The following PAK3 variants were observed in gnomAD, a reference collection of about 807,000 sequenced individuals.
The protein encoded by PAK3 is p21 (RAC1) activated kinase 3, also known as serine/threonine-protein kinase PAK 3.
Under a neutral mutation model 41.0 loss-of-function variants are expected in PAK3, and 4 were observed. The ratio of observed to expected loss-of-function variants is 0.10; its 90% CI spans 0.05 to 0.22. PAK3 has a LOEUF of 0.22. PAK3 is among the 10% of genes least tolerant of loss of function. The probability of loss-of-function intolerance (pLI) is 1.00; values close to 1 mark genes in which losing one functional copy is unlikely to be tolerated. For synonymous variants in PAK3, 146 were observed against 139.6 expected (o/e 1.05, Z -0.32); for missense variants, 205 against 409.9 (o/e 0.50, Z 4.32).
At chrX:111,101,856 C>A (rs2093148149) in intron 3 of PAK3, among the ~76,000 whole-genome samples, 1 of 112,203 alleles carries the variant, frequency 8.9e-6, no homozygotes, top group Non-Finnish European at 1.9e-5. Flanking sequence ...CAGACATGCT[C>A]TGGAGTCTTG....
chrX:110,985,858 C>A (rs1340378074), intron 1 of PAK3, among the ~76,000 whole-genome samples: 1 of 111,777 alleles, frequency 8.9e-6, no homozygotes. Flanking sequence ...CGATTCAAAG[C>A]TTTCTTTTGT....
chrX:111,005,131 A>G (rs2091902902), intron 1 of PAK3, among the ~76,000 whole-genome samples: 1 of 112,037 alleles, frequency 8.9e-6, no homozygotes, highest in Non-Finnish European at 1.9e-5. Flanking sequence ...CTCTTCTAGA[A>G]GATACTCACA....
At chrX:111,181,742 T>C (rs1180946293) in intron 11 of PAK3, among the ~76,000 whole-genome samples, 1 of 109,857 alleles carries the variant, frequency 9.1e-6, no homozygotes, top group Admixed American at 9.8e-5. Context: ...TGATTTTTTT[T>C]TTTTTTTTGG....
intron 1 of PAK3, among the ~76,000 whole-genome samples, chrX:110,970,923 A>G (rs2091194619): frequency 9.0e-6 from 1 of 111,678 alleles, no homozygotes; most frequent in African/African-American, 3.3e-5. Context: ...TTCCTTTTGG[A>G]TGTATAAGAC....
intron 1 of PAK3, among the ~76,000 whole-genome samples, chrX:110,948,858 C>T (rs1419589445): frequency 2.7e-5 from 3 of 112,370 alleles, no homozygotes; most frequent in Admixed American, 9.4e-5. Context: ...CTGTGTGATG[C>T]TGTAAAGCCA....
At chrX:110,946,569 T>C (rs2090625010) in intron 1 of PAK3, among the ~76,000 whole-genome samples, 1 of 112,465 alleles carries the variant, frequency 8.9e-6, no homozygotes, top group African/African-American at 3.2e-5. Flanking sequence ...ATTATGTTAA[T>C]TAACACTGCC....
intron 14 of PAK3, among the ~76,000 whole-genome samples, chrX:111,195,283 A>G (rs748695791): frequency 8.9e-6 from 1 of 111,774 alleles, no homozygotes; most frequent in South Asian, 3.8e-4. Context: ...CTATTCATTC[A>G]ATACATTAAA....
chrX:111,002,283 G>T (rs907681830), intron 1 of PAK3, among the ~76,000 whole-genome samples: 1 of 112,072 alleles, frequency 8.9e-6, no homozygotes, highest in African/African-American at 3.2e-5. Context: ...GAGGCTAAGA[G>T]ATGTTAAATA....
At chrX:111,027,924 C>T (rs1407277310) in intron 1 of PAK3, among the ~76,000 whole-genome samples, 2 of 106,833 alleles carry the variant, frequency 1.9e-5, no homozygotes, top group African/African-American at 6.8e-5. Context: ...GCCGAAATGC[C>T]CATCAATCAA....
upstream of PAK3, among the ~76,000 whole-genome samples, chrX:111,093,310 G>A (rs994401579): frequency 8.9e-6 from 1 of 111,803 alleles, no homozygotes; most frequent in Non-Finnish European, 1.9e-5. Flanking sequence ...AAACTGTTGT[G>A]GTTGTTGTGA....
At chrX:111,026,921 A>G (rs1474616820) in intron 1 of PAK3, among the ~76,000 whole-genome samples, 1 of 112,358 alleles carries the variant, frequency 8.9e-6, no homozygotes, top group African/African-American at 3.2e-5. Flanking sequence ...CTACACAGCC[A>G]TAGTCATCAA....
intron 11 of PAK3, among the ~76,000 whole-genome samples, chrX:111,183,542 C>T (rs1266863157): frequency 9.0e-6 from 1 of 111,338 alleles, no homozygotes. Flanking sequence ...AGTATATGAG[C>T]TTCTTCCTAG....
intron 3 of PAK3, among the ~76,000 whole-genome samples, chrX:111,099,427 A>G (rs2093080258): frequency 9.0e-6 from 1 of 111,050 alleles, no homozygotes; most frequent in South Asian, 3.9e-4. Context: ...AAGTCTGGGA[A>G]ACATAATGGG....
At position 111,219,235 on chromosome X, in the gene PAK3, T is replaced by TAATAAG. The variant is rs1380610093; in HGVS notation, c.1546-1121_1546-1120insTAAGAA. On this transcript the variant is annotated intron_variant, in intron 17 of 17. Transcript: ENST00000372007. ...ATAATAATAATAATAATAATAATAATAAGCAAGAGATAAATGTAAGAGACG... is the reference window on the plus strand; with the variant it reads ...ATAATAATAATAATAATAATAATAATAATAAGAAGCAAGAGATAAATGTAAGAGACG... 2.9e-3 allele frequency among the ~76,000 whole-genome samples: 297 copies of TAATAAG among 102,399 alleles called. 1 individual carries two copies. Among genetic ancestry groups the TAATAAG allele is most frequent in the African/African-American group, 5.6e-3 (153 of 27,199 alleles). The allele number at this position is 102,399 out of a possible 115,157, so 88.9% of individuals were successfully genotyped here.
chrX:111,102,129 G>T (rs913691779), intron 3 of PAK3, among the ~76,000 whole-genome samples: 1 of 111,336 alleles, frequency 9.0e-6, no homozygotes, highest in African/African-American at 3.3e-5. Flanking sequence ...TGTGGGAAGG[G>T]GAAAGGAAAG....
chrX:111,192,873 A>G (rs1362954885), intron 13 of PAK3, among the ~76,000 whole-genome samples: 1 of 111,899 alleles, frequency 8.9e-6, no homozygotes, highest in African/African-American at 3.3e-5. Flanking sequence ...TTGGCAGAAA[A>G]TAGACCATTG....
Position 111,222,471 on chromosome X carries a change from G to A in PAK3, c.*2024G>A, listed in dbSNP as rs1056160838. The A allele has an allele frequency of 8.9e-6, 1 of 112,200 alleles. No individual in the cohort carries two copies. The highest frequency in any genetic ancestry group is 1.9e-5 in the Non-Finnish European group (1 of 53,226). 9.2% of individuals were successfully genotyped at this position (112,200 alleles called of 1,213,427 possible). A position where few individuals can be genotyped will look rare whatever the true frequency, so the allele number is the denominator to read the frequency against. ...ACAAATGTGAAAAGAAAATGAAACGGTAATATTAATTTGAAGCATACTATG... is the reference window on the plus strand; with the variant it reads ...ACAAATGTGAAAAGAAAATGAAACGATAATATTAATTTGAAGCATACTATG... On this transcript the variant is annotated 3_prime_UTR_variant, in exon 18 of 18. Transcript: ENST00000372007.
At chrX:111,217,983 A>G (rs1262234566) in intron 17 of PAK3, among the ~76,000 whole-genome samples, 1 of 112,748 alleles carries the variant, frequency 8.9e-6, no homozygotes, top group Non-Finnish European at 1.9e-5. Flanking sequence ...TGAACCAGTC[A>G]GATAACTGAT....
At chrX:111,171,740 T>A (rs948171072) in intron 10 of PAK3, among the ~76,000 whole-genome samples, 1 of 111,378 alleles carries the variant, frequency 9.0e-6, no homozygotes, top group African/African-American at 3.3e-5. Context: ...TGCTAACAAG[T>A]AAGAGGTAAA....
Sources: gnomAD v4.1 joint callset for allele counts (sites outside exome capture counted in the v4.1 genomes callset) on GRCh38, gnomAD v4.1.1 for gene constraint, MANE v1.5 for transcripts, NCBI Gene and HGNC (gene_info 2026-07-23, HGNC 2026-07-21) for gene names.